Variants in MACROD2 observed in about 807,000 individuals in gnomAD.
The protein encoded by MACROD2 is ADP-ribose glycohydrolase MACROD2.
In MACROD2, 36 loss-of-function variants were observed where a neutral mutation model predicts 70.4. That is an observed-to-expected ratio of 0.51 (90% confidence interval 0.39 to 0.68). The LOEUF is 0.68. Ranked by LOEUF, MACROD2 falls within the 30% of genes least tolerant of loss-of-function variation. The pLI is 0.00. For synonymous variants in MACROD2, 172 were observed against 178.8 expected (o/e 0.96, Z 0.30); for missense variants, 496 against 538.4 (o/e 0.92, Z 0.78).
At chr20:14,500,755 A>C (rs191228550) in intron 4 of MACROD2, among the ~76,000 whole-genome samples, 84 of 152,354 alleles carry the variant, frequency 5.5e-4, no homozygotes, top group African/African-American at 1.9e-3. Context: ...CTTCTAAGTG[A>C]ACCTCCCTGT....
At chr20:15,506,463 T>G (rs1373230418) in intron 8 of MACROD2, among the ~76,000 whole-genome samples, 2 of 152,212 alleles carry the variant, frequency 1.3e-5, no homozygotes, top group Admixed American at 6.5e-5. Flanking sequence ...ACAAAGAAAC[T>G]GTTGCACTTT....
intron 3 of MACROD2, among the ~76,000 whole-genome samples, chr20:14,253,537 T>C (rs1337969020): frequency 6.6e-6 from 1 of 152,084 alleles, no homozygotes; most frequent in Non-Finnish European, 1.5e-5. Flanking sequence ...TATTTTTAGA[T>C]TGTTAATATT....
chr20:15,968,656 T>A (rs2066178317), intron 13 of MACROD2, among the ~76,000 whole-genome samples: 1 of 151,394 alleles, frequency 6.6e-6, no homozygotes, highest in South Asian at 2.1e-4. Context: ...ATAGTATGTG[T>A]TGTTTGAAAA....
intron 5 of MACROD2, among the ~76,000 whole-genome samples, chr20:14,726,397 C>T (rs1030941571): frequency 1.3e-5 from 2 of 152,172 alleles, no homozygotes; most frequent in African/African-American, 4.8e-5. Context: ...CAGGAGATCA[C>T]TTGATCCTAA....
At chr20:15,417,251 A>G (rs1053511749) in intron 6 of MACROD2, among the ~76,000 whole-genome samples, 4 of 152,118 alleles carry the variant, frequency 2.6e-5, no homozygotes, top group Non-Finnish European at 1.5e-5. Context: ...ATACAAAAAA[A>G]GGGAAAAAAG....
At chr20:14,272,720 A>G (rs548413868) in intron 3 of MACROD2, among the ~76,000 whole-genome samples, 1 of 152,054 alleles carries the variant, frequency 6.6e-6, no homozygotes, top group African/African-American at 2.4e-5. Flanking sequence ...AAGAGTCAAG[A>G]CCCATCAGTG....
rs376612210 is a variant in MACROD2, at chr20:14,234,164, C to A, written c.271+148436C>A. 1.8e-3 allele frequency among the ~76,000 whole-genome samples: 268 copies of A among 152,134 alleles called. 2 individuals are homozygous for A. The South Asian group carries it at 0.024, about 13-fold the overall frequency. The stretch of plus-strand genomic sequence containing the variant: ...ACAGGGGAGAGAGGGTATATGGGGA[C>A]TCTGTACTTTATGACCAATTTTTGT... On this transcript the variant is annotated intron_variant, in intron 3 of 17. Transcript: ENST00000684519.
At chr20:15,586,676 T>C (rs1052423695) in intron 8 of MACROD2, among the ~76,000 whole-genome samples, 3 of 152,064 alleles carry the variant, frequency 2.0e-5, no homozygotes, top group Admixed American at 6.6e-5. Flanking sequence ...ATGAATAATA[T>C]AGAGAAAGAA....
At chr20:14,415,720 C>T (rs145742698) in intron 3 of MACROD2, among the ~76,000 whole-genome samples, 116 of 152,154 alleles carry the variant, frequency 7.6e-4, no homozygotes, top group Middle Eastern at 6.8e-3. Flanking sequence ...GTGATTAAGC[C>T]GATAAGCTGG....
intron 3 of MACROD2, among the ~76,000 whole-genome samples, chr20:14,169,026 C>T (rs1305281372): frequency 2.6e-5 from 4 of 152,152 alleles, no homozygotes; most frequent in Non-Finnish European, 5.9e-5. Context: ...GGGTTTCATA[C>T]CAGGGATGCA....
intron 6 of MACROD2, among the ~76,000 whole-genome samples, chr20:15,333,344 A>G (rs760679923): frequency 3.3e-5 from 5 of 151,684 alleles, no homozygotes; most frequent in Non-Finnish European, 7.4e-5. Flanking sequence ...TCTTTCAGCT[A>G]AAGAGCATTC....
chr20:15,423,331 A>G lies in MACROD2; in HGVS notation c.541-8074A>G, dbSNP rs146416740. Among the ~76,000 whole-genome samples the G allele has an allele frequency of 2.8e-4, 43 of 152,338 alleles. No individual in the cohort carries two copies. In the East Asian group the frequency reaches 7.9e-3, roughly 28 times the overall value. ...CTTCTCATTGTTCTCCTCCAAAGAC[A>G]GGAATTTAAAAGTTGAAACCTAAAT... On this transcript the variant is annotated intron_variant, in intron 6 of 17. Coordinates refer to ENST00000684519, the MANE Select transcript of MACROD2 (RefSeq NM_001351661.2).
intron 3 of MACROD2, among the ~76,000 whole-genome samples, chr20:14,183,053 ATGTAACCTATT>A (rs2081317174): frequency 6.8e-6 from 1 of 147,884 alleles, no homozygotes; most frequent in South Asian, 2.2e-4. Context: ...AAGTTTACCT[ATGTAACCTATT>A]TGTTACATAG....
At chr20:15,287,166 TAAAAG>T (rs2077499696) in intron 6 of MACROD2, among the ~76,000 whole-genome samples, 1 of 152,136 alleles carries the variant, frequency 6.6e-6, no homozygotes, top group South Asian at 2.1e-4. Context: ...TCAAGGTCAT[TAAAAG>T]AATAAGAAAA....
At chr20:15,438,468 T>G (rs1048509546) in intron 7 of MACROD2, among the ~76,000 whole-genome samples, 1 of 152,202 alleles carries the variant, frequency 6.6e-6, no homozygotes, top group Admixed American at 6.5e-5. Flanking sequence ...GTTGGCCACA[T>G]GTATGTCTTC....
At chr20:15,750,965 G>A (rs1969474086) in intron 8 of MACROD2, among the ~76,000 whole-genome samples, 2 of 151,970 alleles carry the variant, frequency 1.3e-5, no homozygotes, top group South Asian at 2.1e-4. Context: ...CAGAAGCAGA[G>A]AGTAGAACAG....
chr20:14,234,004 C>T (rs1421196456), intron 3 of MACROD2, among the ~76,000 whole-genome samples: 1 of 152,090 alleles, frequency 6.6e-6, no homozygotes. Flanking sequence ...ATTTGCAAAA[C>T]CCGCAGAGCT....
At chr20:15,295,286 C>T (rs780619615) in intron 6 of MACROD2, among the ~76,000 whole-genome samples, 5 of 152,112 alleles carry the variant, frequency 3.3e-5, no homozygotes, top group Admixed American at 1.3e-4. Flanking sequence ...CTCCCAGTCT[C>T]GGGTATTTCT....
intron 2 of MACROD2, among the ~76,000 whole-genome samples, chr20:14,050,723 A>C (rs779017869): frequency 1.3e-5 from 2 of 152,222 alleles, no homozygotes; most frequent in Non-Finnish European, 2.9e-5. Context: ...TAAAAATTCA[A>C]ATCAGGCCAT....
Sources: gnomAD v4.1 joint callset for allele counts (sites outside exome capture counted in the v4.1 genomes callset) on GRCh38, gnomAD v4.1.1 for gene constraint, MANE v1.5 for transcripts, NCBI Gene and HGNC (gene_info 2026-07-23, HGNC 2026-07-21) for gene names.